Variants in PIP5K1C observed in about 807,000 individuals in gnomAD.
The protein encoded by PIP5K1C is phosphatidylinositol-4-phosphate 5-kinase type 1 gamma.
In PIP5K1C, 45 loss-of-function variants were observed where a neutral mutation model predicts 80.1. The observed-to-expected ratio is 0.56, with a 90% confidence interval of 0.44 to 0.72. The LOEUF (loss-of-function observed/expected upper bound fraction) is 0.72. Among genes scored for constraint, PIP5K1C ranks in the 30% least tolerant of loss-of-function variants. PIP5K1C has a pLI of 0.00. For missense variants in PIP5K1C, 753 were observed against 954.6 expected (o/e 0.79, Z 2.78); for synonymous variants, 498 against 420.1 (o/e 1.19, Z -2.27).
chr19:3,674,367 T>G (rs546831483), intron 1 of PIP5K1C: 6 of 152,438 alleles, frequency 3.9e-5, no homozygotes, highest in Non-Finnish European at 7.3e-5. Context: ...AACCTCTGCC[T>G]CTTGGGTTTA....
chr19:3,681,587 AT>A (rs1447307494), intron 1 of PIP5K1C, among the ~76,000 whole-genome samples: 1 of 151,978 alleles, frequency 6.6e-6, no homozygotes, highest in Admixed American at 6.5e-5. Flanking sequence ...TCGTACACAC[AT>A]CCCCCCGCGG....
chr19:3,695,588 CTG>C (rs2036077007), intron 1 of PIP5K1C, among the ~76,000 whole-genome samples: 1 of 152,212 alleles, frequency 6.6e-6, no homozygotes, highest in African/African-American at 2.4e-5. Flanking sequence ...GACACCCAGG[CTG>C]TGGTGGTCAC....
At chr19:3,649,989 C>G (rs536737627) in intron 8 of PIP5K1C, 1 of 189,860 alleles carries the variant, frequency 5.3e-6, no homozygotes, top group Non-Finnish European at 1.1e-5. Context: ...CAGGCTGGTA[C>G]GCTCACCTGC....
intron 1 of PIP5K1C, chr19:3,673,867 G>A (rs916770547): frequency 6.6e-6 from 1 of 152,382 alleles, no homozygotes; most frequent in Non-Finnish European, 1.5e-5. Flanking sequence ...CAGCTCTGGT[G>A]AGGCTCAGAC....
At chr19:3,666,762 C>T (rs1027706729) in intron 2 of PIP5K1C, among the ~76,000 whole-genome samples, 1 of 151,924 alleles carries the variant, frequency 6.6e-6, no homozygotes, top group Non-Finnish European at 1.5e-5. Context: ...CAAACGTGCA[C>T]ACACGCACGC....
intron 14 of PIP5K1C, 49 bp downstream of exon 14, chr19:3,642,857 GT>G: frequency 6.7e-7 from 1 of 1,501,384 alleles, no homozygotes; most frequent in South Asian, 1.1e-5. Context: ...GCTGGGAGCT[GT>G]GCAGGAGGAG....
rs1002160557 is a variant in PIP5K1C at position 3,696,807 on chromosome 19, G to C, written c.94+3490C>G. On this transcript the variant is annotated intron_variant, in intron 1 of 17. Coordinates refer to ENST00000335312, the MANE Select transcript of PIP5K1C (RefSeq NM_012398.3). This position sits in a 1 kb window ranked among gnomAD's most constrained non-coding sequence, Gnocchi z 4.1. ...CCTGATGGGCTTCAAAGAGGACTAT[G>C]TCTTTGACCCCAAGGGAGGTGGGAG... Among the ~76,000 whole-genome samples, 42 of 152,306 alleles carry C rather than the reference G, an allele frequency of 2.8e-4. No individual in the cohort carries two copies. Among genetic ancestry groups the C allele is most frequent in the African/African-American group, 9.6e-4 (40 of 41,570 alleles).
At chr19:3,667,225 G>A in intron 2 of PIP5K1C, 97 bp downstream of exon 2, 2 of 1,047,508 alleles carry the variant, frequency 1.9e-6, no homozygotes, top group South Asian at 2.7e-5. Context: ...CCAGAGAGGT[G>A]TAGTGAGCTG....
At chr19:3,697,265 G>GGAGGAGGACCAAGCCGGATA (rs1396203361) in intron 1 of PIP5K1C, among the ~76,000 whole-genome samples, 2 of 143,374 alleles carry the variant, frequency 1.4e-5, no homozygotes, top group African/African-American at 5.2e-5. Context: ...CGAGCCAGAT[G>GGAGGAGGACCAAGCCGGATA]GAGGAGGACC....
At chr19:3,685,424 C>T (rs1331765674) in intron 1 of PIP5K1C, among the ~76,000 whole-genome samples, 1 of 152,174 alleles carries the variant, frequency 6.6e-6, no homozygotes, top group East Asian at 1.9e-4. Flanking sequence ...GGGCCGAACA[C>T]AGCCCACTAA....
At chr19:3,700,158 G>A in intron 1 of PIP5K1C, 139 bp downstream of exon 1, 1 of 344,466 alleles carries the variant, frequency 2.9e-6, no homozygotes, top group African/African-American at 2.2e-5. Flanking sequence ...GGCTCCAGGG[G>A]ACTGCCCCGC....
At chr19:3,677,727 G>GGA (rs2035406321) in intron 1 of PIP5K1C, among the ~76,000 whole-genome samples, 1 of 141,056 alleles carries the variant, frequency 7.1e-6, no homozygotes, top group Admixed American at 7.1e-5. Flanking sequence ...TGGGATGGAG[G>GGA]GATGGAAGGA....
chr19:3,678,958 TG>T, intron 1 of PIP5K1C, among the ~76,000 whole-genome samples: 1 of 78,558 alleles, frequency 1.3e-5, no homozygotes, highest in Middle Eastern at 0.012. Flanking sequence ...AATGGAGGGA[TG>T]GAGGATGAAG....
chr19:3,644,038 T>C (rs1381278229), intron 12 of PIP5K1C, 49 bp downstream of exon 12: 1 of 1,593,580 alleles, frequency 6.3e-7, no homozygotes, highest in Admixed American at 1.7e-5. Context: ...GGGCTGCTGC[T>C]GGCACCCCCT....
chr19:3,652,921 C>G (rs531524552), intron 7 of PIP5K1C, among the ~76,000 whole-genome samples: 2 of 152,288 alleles, frequency 1.3e-5, no homozygotes, highest in East Asian at 3.9e-4. Flanking sequence ...AACCACTTCT[C>G]AGCAGTGCAG....
At chr19:3,643,531 GGAC>G in intron 12 of PIP5K1C, 150 bp from the exon 13 acceptor site, 1 of 886,788 alleles carries the variant, frequency 1.1e-6, no homozygotes, top group South Asian at 1.6e-5. Context: ...CGGCAGGGAA[GGAC>G]GACGTTCCCC....
intron 1 of PIP5K1C, among the ~76,000 whole-genome samples, chr19:3,667,857 G>A (rs963929080): frequency 1.3e-5 from 2 of 152,198 alleles, no homozygotes; most frequent in East Asian, 1.9e-4. Flanking sequence ...AGGTGCCAGC[G>A]TGGGGAGTGA....
At chr19:3,653,638 C>T in intron 6 of PIP5K1C, 49 bp from the exon 7 acceptor site, 1 of 1,548,012 alleles carries the variant, frequency 6.5e-7, no homozygotes, top group South Asian at 1.2e-5. Context: ...GCCACAGACT[C>T]ACGGGGGCGG....
intron 7 of PIP5K1C, among the ~76,000 whole-genome samples, chr19:3,652,275 C>CG (rs2034480504): frequency 6.6e-6 from 1 of 152,232 alleles, no homozygotes; most frequent in Non-Finnish European, 1.5e-5. Context: ...CAGGCTGCCC[C>CG]GGGCACTGAG....
Sources: gnomAD v4.1 joint callset for allele counts (sites outside exome capture counted in the v4.1 genomes callset) on GRCh38, gnomAD v4.1.1 for gene constraint, Gnocchi (gnomAD v3.1) non-coding constraint, MANE v1.5 for transcripts, NCBI Gene and HGNC (gene_info 2026-07-23, HGNC 2026-07-21) for gene names.